The following NBPF12 variants were observed in gnomAD, a reference collection of about 807,000 sequenced individuals.
The protein encoded by NBPF12 is NBPF member 12, also known as NBPF family member NBPF12.
In NBPF12, 115 loss-of-function variants were observed where a neutral mutation model predicts 146.4. That is an observed-to-expected ratio of 0.79 (90% CI 0.68 to 0.92). NBPF12 has a LOEUF of 0.92. Ranked by LOEUF, NBPF12 falls within the 40% of genes least tolerant of loss-of-function variation. NBPF12 has a pLI of 0.00. For missense variants in NBPF12, 1,205 were observed against 1,326.8 expected (o/e 0.91, Z 1.43); for synonymous variants, 385 against 508.9 (o/e 0.76, Z 3.28).
intron 2 of NBPF12, among the ~76,000 whole-genome samples, chr1:146,957,865 A>G (rs1655666653): frequency 1.3e-5 from 1 of 77,402 alleles, no homozygotes; most frequent in Non-Finnish European, 2.4e-5. Context: ...TACACGTGTT[A>G]TATATATTGT....
chr1:146,958,143 CA>C (rs1655689460), intron 2 of NBPF12, among the ~76,000 whole-genome samples: 1 of 116,922 alleles, frequency 8.6e-6, no homozygotes, highest in Admixed American at 9.8e-5. Flanking sequence ...CCCCAGCCCT[CA>C]CCCCATGACA....
intron 21 of NBPF12, among the ~76,000 whole-genome samples, chr1:146,984,577 C>CTGTGTGTGTGTGTG (rs1195588193): frequency 7.5e-6 from 1 of 132,718 alleles, no homozygotes; most frequent in Admixed American, 7.4e-5. Context: ...TGAGCTCACA[C>CTGTGTGTGTGTGTG]TGTGTGTGTG....
At chr1:146,994,132 C>CTG (rs879951453) in intron 33 of NBPF12, among the ~76,000 whole-genome samples, 200 bp from the exon 37 acceptor site, 1 of 126,258 alleles carries the variant, frequency 7.9e-6, no homozygotes, top group Non-Finnish European at 1.6e-5. Flanking sequence ...GTCTCTGTCT[C>CTG]TCTCTCTCTG....
At chr1:146,982,387 A>G (rs1221675199) in intron 19 of NBPF12, among the ~76,000 whole-genome samples, 3 of 150,272 alleles carry the variant, frequency 2.0e-5, no homozygotes, top group Non-Finnish European at 4.4e-5. Context: ...GGTGTTGCCT[A>G]TTCTCTCCCA....
At position 146,966,447 on chromosome 1, in the gene NBPF12, G is replaced by C. The variant is rs1656216600; in HGVS notation, c.779-17G>C. On this transcript the variant is annotated splice_polypyrimidine_tract_variant and intron_variant, in intron 8 of 33. Coordinates refer to ENST00000617844, the Ensembl canonical transcript of NBPF12. ...CCAGTTTTTAACCCATCATGTGTTT[G>C]CCTTTCTTCTCCCCAGTCCCTGGCC... 1.3e-5 allele frequency: 18 copies of C among 1,334,026 alleles called. No homozygotes were observed. Among genetic ancestry groups the C allele is most frequent in the Non-Finnish European group, 1.9e-5 (18 of 928,378 alleles). 82.6% of individuals were successfully genotyped at this position (1,334,026 alleles called of 1,614,324 possible).
At chr1:146,966,396 G>A in intron 8 of NBPF12, 68 bp from the exon 12 acceptor site, 1 of 1,262,240 alleles carries the variant, frequency 7.9e-7, no homozygotes, top group Non-Finnish European at 1.2e-6. Context: ...ACATCCCTCA[G>A]TCCTGATTAA....
At chr1:146,972,519 C>G (rs1350020986) in intron 13 of NBPF12, among the ~76,000 whole-genome samples, 1 of 151,572 alleles carries the variant, frequency 6.6e-6, no homozygotes, top group Non-Finnish European at 1.5e-5. Context: ...TTTATAGAAA[C>G]TTATAAGCAA....
chr1:146,953,864 A>T (rs1461403480), intron 2 of NBPF12, among the ~76,000 whole-genome samples: 8 of 151,992 alleles, frequency 5.3e-5, no homozygotes, highest in Non-Finnish European at 1.0e-4. Context: ...TTAATAAAGT[A>T]TTGAAAGAAT....
intron 7 of NBPF12, 96 bp downstream of exon 10, chr1:146,964,525 C>T (rs1437352949): frequency 1.6e-5 from 25 of 1,576,920 alleles, no homozygotes; most frequent in South Asian, 3.3e-5. Context: ...GCCAAAAGCC[C>T]GCATTCCCTT....
At chr1:146,952,400 A>G (rs1165101385) in intron 2 of NBPF12, among the ~76,000 whole-genome samples, 1 of 152,046 alleles carries the variant, frequency 6.6e-6, no homozygotes, top group South Asian at 2.1e-4. Context: ...ACTCTTCAAA[A>G]CATAATTGAG....
chr1:146,981,704 T>C (rs1657408331), intron 19 of NBPF12, among the ~76,000 whole-genome samples: 1 of 151,946 alleles, frequency 6.6e-6, no homozygotes, highest in Non-Finnish European at 1.5e-5. Flanking sequence ...CAAACGTAGA[T>C]TTGGTCTTTT....
intron 17 of NBPF12, 103 bp downstream of exon 20, chr1:146,977,104 C>T (rs1190859479): frequency 2.4e-5 from 17 of 716,060 alleles, no homozygotes; most frequent in East Asian, 1.5e-4. Flanking sequence ...AACCCGCATT[C>T]GCTTGGCCAC....
chr1:146,939,512 C>G (rs1329114616), intron 1 of NBPF12, among the ~76,000 whole-genome samples: 2 of 151,940 alleles, frequency 1.3e-5, no homozygotes, highest in African/African-American at 2.4e-5. Context: ...TCATGACTAG[C>G]GGGGCAAGCC....
At chr1:146,989,538 C>G in intron 27 of NBPF12, 36 bp from the exon 31 acceptor site, 1 of 1,325,192 alleles carries the variant, frequency 7.5e-7, no homozygotes, top group Non-Finnish European at 1.1e-6. Context: ...TTTCTGATTC[C>G]CCCTGGCTTA....
upstream of NBPF12, among the ~76,000 whole-genome samples, chr1:146,947,866 T>A (rs1414170654): frequency 2.6e-5 from 4 of 151,830 alleles, no homozygotes; most frequent in African/African-American, 7.3e-5. Context: ...GAATTGGTTC[T>A]TCTGTGCTGG....
intron 33 of NBPF12, 61 bp from the exon 37 acceptor site, chr1:146,994,271 G>T (rs1205111959): frequency 6.2e-6 from 10 of 1,608,944 alleles, no homozygotes; most frequent in African/African-American, 4.1e-5. Flanking sequence ...CTGAAATCTA[G>T]TGAGGCTCTG....
intron 11 of NBPF12, among the ~76,000 whole-genome samples, chr1:146,970,004 A>G (rs1322082224): frequency 9.3e-5 from 14 of 149,950 alleles, no homozygotes; most frequent in Non-Finnish European, 1.8e-4. Context: ...CTCTCTCTCC[A>G]TCTGCAAAGG....
At chr1:146,970,803 G>A (rs1656555839) in intron 12 of NBPF12, 84 bp downstream of exon 15, 2 of 1,167,122 alleles carry the variant, frequency 1.7e-6, no homozygotes, top group Admixed American at 3.4e-5. Context: ...CATCTATGAT[G>A]GGCCAAAAGC....
intron 14 of NBPF12, 141 bp downstream of exon 17, chr1:146,973,101 T>C (rs1161244703): frequency 9.5e-6 from 6 of 632,298 alleles, no homozygotes; most frequent in Non-Finnish European, 1.4e-5. Flanking sequence ...TTTAACATTT[T>C]GTTAAAGTTG....
Sources: allele counts gnomAD v4.1 joint callset (sites outside exome capture counted in the v4.1 genomes callset), GRCh38; gene constraint gnomAD v4.1.1; transcripts MANE v1.5; gene names NCBI Gene and HGNC (gene_info 2026-07-23, HGNC 2026-07-21).